KIAA0513: variants seen among roughly 807,000 people sequenced by gnomAD.
The protein encoded by KIAA0513 is KIAA0513.
KIAA0513 carries 39 observed loss-of-function variants against 56.5 expected under a neutral mutation model. The observed-to-expected ratio is 0.69, with a 90% confidence interval of 0.53 to 0.90. The LOEUF (loss-of-function observed/expected upper bound fraction) is 0.90. KIAA0513 is among the 40% of genes least tolerant of loss of function. The pLI is 0.00. For synonymous variants in KIAA0513, 268 were observed against 215.6 expected, an observed-to-expected ratio of 1.24 and a Z score of -2.13; for missense variants, 591 against 535.2, an observed-to-expected ratio of 1.10 and a Z score of -1.03.
chr16:85,061,818 G>A (rs1278515690), intron 1 of KIAA0513, among the ~76,000 whole-genome samples: 2 of 152,180 alleles, frequency 1.3e-5, no homozygotes, highest in African/African-American at 4.8e-5. Context: ...AGCAGTGGGG[G>A]AAGTGGGGCG....
chr16:85,058,082 A>G (rs2073354493), intron 1 of KIAA0513, among the ~76,000 whole-genome samples: 1 of 152,228 alleles, frequency 6.6e-6, no homozygotes, highest in African/African-American at 2.4e-5. Flanking sequence ...CGGTGACTAC[A>G]GCACGCGGAT....
At chr16:85,088,230 C>T (rs2144115121) in intron 12 of KIAA0513, 46 bp from the exon 13 acceptor site, 1 of 1,561,858 alleles carries the variant, frequency 6.4e-7, no homozygotes, top group Non-Finnish European at 8.8e-7. Context: ...ATACCTGTCC[C>T]TGTCACTGTC....
At chr16:85,082,477 T>C (rs2073757319) in intron 9 of KIAA0513, 87 bp from the exon 10 acceptor site, 1 of 1,307,966 alleles carries the variant, frequency 7.6e-7, no homozygotes, top group Non-Finnish European at 1.1e-6. Context: ...GTAATAACCC[T>C]CCTCTGCTTG....
intron 1 of KIAA0513, among the ~76,000 whole-genome samples, 195 bp downstream of exon 1, chr16:85,028,053 G>A (rs1052216479): frequency 8.5e-5 from 13 of 152,130 alleles, no homozygotes; most frequent in African/African-American, 2.9e-4. Context: ...GGCTCAGGCC[G>A]GGGTTCTCCG....
At chr16:85,069,706 C>T (rs1049598414) in intron 2 of KIAA0513, among the ~76,000 whole-genome samples, 4 of 151,982 alleles carry the variant, frequency 2.6e-5, no homozygotes, top group Non-Finnish European at 5.9e-5. Context: ...TGTGGGCCGG[C>T]AGCATTGGCA....
At chr16:85,069,388 G>T (rs2073538769) in intron 2 of KIAA0513, among the ~76,000 whole-genome samples, 1 of 152,178 alleles carries the variant, frequency 6.6e-6, no homozygotes, top group Admixed American at 6.6e-5. Context: ...AGCTGATTCA[G>T]AAGCAGCTGT....
intron 1 of KIAA0513, chr16:85,063,712 A>T (rs972800237): frequency 1.1e-4 from 16 of 152,148 alleles, no homozygotes; most frequent in African/African-American, 3.4e-4. Flanking sequence ...GAACAAAATG[A>T]AAGAGGAAAT....
chr16:85,035,036 C>A (rs796259747), intron 1 of KIAA0513, among the ~76,000 whole-genome samples: 3 of 152,232 alleles, frequency 2.0e-5, no homozygotes, highest in Non-Finnish European at 4.4e-5. Flanking sequence ...CTCTGCCCCC[C>A]TTCCCCAGGC....
chr16:85,043,874 A>G (rs977059264), intron 1 of KIAA0513, among the ~76,000 whole-genome samples: 1 of 152,130 alleles, frequency 6.6e-6, no homozygotes, highest in Admixed American at 6.5e-5. Context: ...CTCTACTAAA[A>G]ATACAAAATT....
intron 1 of KIAA0513, among the ~76,000 whole-genome samples, chr16:85,059,987 G>T (rs1281564418): frequency 6.6e-6 from 1 of 152,178 alleles, no homozygotes; most frequent in Admixed American, 6.5e-5. Context: ...TTGAGACTGA[G>T]TCTCATTCTG....
rs1249242136 is a variant in KIAA0513, at chr16:85,086,735, G to A, written c.1091+11G>A. 1 of 1,608,580 alleles carries A rather than the reference G, an allele frequency of 6.2e-7. No individual in the cohort carries two copies. Among genetic ancestry groups the A allele is most frequent in the Non-Finnish European group, 8.5e-7 (1 of 1,178,054 alleles). ...CTTCGGGCAGCTGGGGTAAGGGCCA[G>A]AGTGGGAAAGCGGGAGGGGAGAGGG... On this transcript the variant is annotated intron_variant, in intron 11 of 12. Coordinates refer to ENST00000683363, the MANE Select transcript of KIAA0513 (RefSeq NM_001388359.1).
At chr16:85,036,754 G>A (rs970633947) in intron 1 of KIAA0513, among the ~76,000 whole-genome samples, 13 of 152,168 alleles carry the variant, frequency 8.5e-5, no homozygotes, top group Admixed American at 5.2e-4. Context: ...GGTCACACCA[G>A]CCCAGCACCC....
intron 1 of KIAA0513, chr16:85,063,630 C>T (rs2073437175): frequency 6.6e-6 from 1 of 152,170 alleles, no homozygotes; most frequent in Admixed American, 6.6e-5. Flanking sequence ...GCTTGAACGG[C>T]TTCCGGAGAC....
intron 1 of KIAA0513, among the ~76,000 whole-genome samples, chr16:85,030,263 T>A (rs1393056786): frequency 6.6e-6 from 1 of 152,158 alleles, no homozygotes; most frequent in Non-Finnish European, 1.5e-5. Context: ...AGCCCAGGTG[T>A]CTTCAGCTGT....
intron 4 of KIAA0513, among the ~76,000 whole-genome samples, chr16:85,074,406 C>G (rs1409043298): frequency 6.6e-6 from 1 of 152,008 alleles, no homozygotes; most frequent in Non-Finnish European, 1.5e-5. Flanking sequence ...TGGTCTCAAA[C>G]TCCCGGGCTC....
intron 1 of KIAA0513, among the ~76,000 whole-genome samples, chr16:85,032,824 G>T (rs993570118): frequency 1.3e-5 from 2 of 152,080 alleles, no homozygotes; most frequent in Non-Finnish European, 2.9e-5. Flanking sequence ...TAGAGGCAGG[G>T]TTTCACCGTG....
intron 1 of KIAA0513, among the ~76,000 whole-genome samples, chr16:85,064,087 C>G (rs935594833): frequency 6.7e-6 from 1 of 148,498 alleles, no homozygotes; most frequent in South Asian, 2.1e-4. Context: ...CTCACTGCAA[C>G]CTCTGCCTCC....
chr16:85,087,691 A>G (rs1195357900), intron 12 of KIAA0513, among the ~76,000 whole-genome samples: 1 of 152,156 alleles, frequency 6.6e-6, no homozygotes, highest in Non-Finnish European at 1.5e-5. Flanking sequence ...TGCCCCCGCC[A>G]TCTGCCACAG....
At chr16:85,050,531 G>A (rs1017214654) in intron 1 of KIAA0513, among the ~76,000 whole-genome samples, 1 of 151,996 alleles carries the variant, frequency 6.6e-6, no homozygotes, top group African/African-American at 2.4e-5. Flanking sequence ...GGCCAGGCTG[G>A]TCTCGAACTC....
Sources: allele counts gnomAD v4.1 joint callset (sites outside exome capture counted in the v4.1 genomes callset), GRCh38; gene constraint gnomAD v4.1.1; transcripts MANE v1.5; gene names NCBI Gene and HGNC (gene_info 2026-07-23, HGNC 2026-07-21).